The following TRIM60 variants were observed in gnomAD, a reference collection of about 807,000 sequenced individuals.
TRIM60 encodes the protein tripartite motif-containing protein 60.
For synonymous variants in TRIM60, 189 were observed against 195.2 expected, an observed-to-expected ratio of 0.97 and a Z score of 0.27; for missense variants, 524 against 540.8, an observed-to-expected ratio of 0.97 and a Z score of 0.31.
chr4:165,041,498 A>G lies in TRIM60; in HGVS notation c.*10A>G, dbSNP rs1733767143. The stretch of plus-strand genomic sequence containing the variant: ...AGATTCTGAAAGATAAGGAACTGGT[A>G]AATGGGTCTGTTTCAGTTTTTGTAG... On this transcript the variant is annotated 3_prime_UTR_variant, in exon 3 of 3. Coordinates refer to ENST00000512596, the MANE Select transcript of TRIM60 (RefSeq NM_152620.3). The G allele has an allele frequency of 4.6e-6, 7 of 1,505,386 alleles. No individual in the cohort carries two copies. The highest frequency in any genetic ancestry group is 6.2e-6 in the Non-Finnish European group (7 of 1,124,986). 93.3% of individuals were successfully genotyped at this position (1,505,386 alleles called of 1,614,324 possible). A position where few individuals can be genotyped will look rare whatever the true frequency, so the allele number is the denominator to read the frequency against.
intron 1 of TRIM60, among the ~76,000 whole-genome samples, chr4:165,036,673 G>C (rs1035880396): frequency 1.3e-5 from 2 of 152,036 alleles, no homozygotes; most frequent in African/African-American, 4.8e-5. Flanking sequence ...TTGAGGTCAG[G>C]AGTTCAAGAC....
intron 1 of TRIM60, among the ~76,000 whole-genome samples, chr4:165,032,589 T>C (rs1318389317): frequency 6.6e-6 from 1 of 152,108 alleles, no homozygotes; most frequent in Non-Finnish European, 1.5e-5. Context: ...ACCCCGATGA[T>C]TGAACTTTAA....
intron 1 of TRIM60, among the ~76,000 whole-genome samples, chr4:165,035,477 C>T (rs1733600966): frequency 6.6e-6 from 1 of 152,184 alleles, no homozygotes; most frequent in Non-Finnish European, 1.5e-5. Context: ...GTCCGCTCTG[C>T]GTGATGTCAC....
intron 1 of TRIM60, among the ~76,000 whole-genome samples, chr4:165,037,314 A>G (rs73005732): frequency 0.053 from 7,953 of 150,254 alleles, 575 homozygotes; most frequent in African/African-American, 0.17. Flanking sequence ...TCAAATCATT[A>G]TACTTTTTTT....
chr4:165,032,373 TGA>T (rs1733522900), intron 1 of TRIM60, among the ~76,000 whole-genome samples: 1 of 152,198 alleles, frequency 6.6e-6, no homozygotes, highest in South Asian at 2.1e-4. Context: ...CTCAGCCTCC[TGA>T]GTAGCTGGGA....
chr4:165,040,300 A>T lies in TRIM60; in HGVS notation c.228A>T (p.Glu76Asp). The part of the protein sequence containing the change: ...RRNPQLRNLT[E>D]IAKQLQIRRS... ...ACCCCCAGCTCCGTAATTTGACTGAAATTGCTAAACAACTCCAGATTAGGA... is the reference window on the plus strand; with the variant it reads ...ACCCCCAGCTCCGTAATTTGACTGATATTGCTAAACAACTCCAGATTAGGA... The change falls in exon 3 of 3, where the codon GAA (glutamate) becomes GAT (aspartate). Residue 76 changes from glutamate (E) to aspartate (D), a missense_variant. Glu to Asp is a conservative substitution (Grantham distance 45). Coordinates refer to ENST00000512596, the MANE Select transcript of TRIM60 (RefSeq NM_152620.3). 6.2e-7 allele frequency: 1 copy of T among 1,614,188 alleles called. No individual in the cohort carries two copies. Among genetic ancestry groups the T allele is most frequent in the Non-Finnish European group, 8.5e-7 (1 of 1,180,030 alleles).
rs766489991 is a variant in TRIM60 at position 165,041,526 on chromosome 4, A to G, written c.*38A>G. The G allele has an allele frequency of 3.6e-6, 5 of 1,373,280 alleles. No individual in the cohort carries two copies. The Admixed American group carries it at 1.2e-4, about 33-fold the overall frequency. The allele number at this position is 1,373,280 out of a possible 1,614,324, so 85.1% of individuals were successfully genotyped here. A position where few individuals can be genotyped will look rare whatever the true frequency, so the allele number is the denominator to read the frequency against. On this transcript the variant is annotated 3_prime_UTR_variant, in exon 3 of 3. Coordinates refer to ENST00000512596, the MANE Select transcript of TRIM60 (RefSeq NM_152620.3). The stretch of plus-strand genomic sequence containing the variant: ...TGGGTCTGTTTCAGTTTTTGTAGGT[A>G]ACTTAGCCAGTAAATTTAATCTCAT...
intron 1 of TRIM60, among the ~76,000 whole-genome samples, chr4:165,038,066 A>AG (rs1329562595): frequency 6.6e-6 from 1 of 152,138 alleles, no homozygotes; most frequent in Non-Finnish European, 1.5e-5. Flanking sequence ...GAGAGACTAG[A>AG]GGGTGGGGTG....
chr4:165,037,808 C>A (rs1237112505), intron 1 of TRIM60, among the ~76,000 whole-genome samples: 2 of 152,100 alleles, frequency 1.3e-5, no homozygotes, highest in Non-Finnish European at 2.9e-5. Flanking sequence ...TAAATTTTAT[C>A]TTTTGTAACA....
intron 1 of TRIM60, among the ~76,000 whole-genome samples, chr4:165,036,898 AAAAAAG>A (rs202075945): frequency 0.039 from 5,794 of 149,316 alleles, 377 homozygotes; most frequent in African/African-American, 0.13. Flanking sequence ...AAAAAAAAAG[AAAAAAG>A]AAAAAAAAAG....
chr4:165,036,278 A>G (rs1013933603), intron 1 of TRIM60, among the ~76,000 whole-genome samples: 8 of 152,170 alleles, frequency 5.3e-5, no homozygotes, highest in African/African-American at 1.7e-4. Context: ...AATAGAAACA[A>G]ACTCAGAGAA....
At position 165,040,530 on chromosome 4, in the gene TRIM60, A is replaced by G. The variant is rs866802358; in HGVS notation, c.458A>G (p.Asn153Ser). 6.2e-7 allele frequency: 1 copy of G among 1,614,070 alleles called. No homozygotes were observed. Among genetic ancestry groups the G allele is most frequent in the Non-Finnish European group, 8.5e-7 (1 of 1,180,000 alleles). Residue 153 changes from asparagine (N) to serine (S), a missense_variant, in exon 3 of 3, where the codon AAT becomes AGT. Physicochemically the swap from Asn to Ser is conservative, Grantham distance 46 (BLOSUM62 1). Coordinates refer to ENST00000512596, the MANE Select transcript of TRIM60 (RefSeq NM_152620.3). Reference sequence around the variant, plus strand: ...GAAGGTAGCCTTGAGCCCTTGAGGAATAATATAGAACGAGTTGAAAAAGTG... The same window carrying G: ...GAAGGTAGCCTTGAGCCCTTGAGGAGTAATATAGAACGAGTTGAAAAAGTG... ...ILEGSLEPLR[N>S]NIERVEKVII... is the part of the protein sequence containing the mutation.
intron 1 of TRIM60, among the ~76,000 whole-genome samples, chr4:165,038,918 C>T (rs1353069772): frequency 1.3e-5 from 2 of 149,694 alleles, no homozygotes; most frequent in African/African-American, 2.4e-5. Context: ...TGAAAATTAG[C>T]CAGGCGTGGT....
chr4:165,041,505 T>A lies in TRIM60; in HGVS notation c.*17T>A. On this transcript the variant is annotated 3_prime_UTR_variant, in exon 3 of 3. Transcript: ENST00000512596. ...GAAAGATAAGGAACTGGTAAATGGG[T>A]CTGTTTCAGTTTTTGTAGGTAACTT... is the stretch of plus-strand genomic sequence containing the variant. The A allele has an allele frequency of 6.7e-7, 1 of 1,483,324 alleles. No homozygotes were observed. The highest frequency in any genetic ancestry group is 9.0e-7 in the Non-Finnish European group (1 of 1,109,314). The allele number at this position is 1,483,324 out of a possible 1,614,324, so 91.9% of individuals were successfully genotyped here.
At chr4:165,032,800 C>T (rs1032411943) in intron 1 of TRIM60, among the ~76,000 whole-genome samples, 4 of 152,164 alleles carry the variant, frequency 2.6e-5, no homozygotes, top group Non-Finnish European at 5.9e-5. Flanking sequence ...CGTTTCGTAT[C>T]ATCTAAAGTA....
chr4:165,037,621 G>A (rs1733654259), intron 1 of TRIM60, among the ~76,000 whole-genome samples: 1 of 151,908 alleles, frequency 6.6e-6, no homozygotes, highest in East Asian at 1.9e-4. Flanking sequence ...CCACCTCCTG[G>A]GCTCAAGCAA....
chr4:165,038,120 G>A (rs1467996554), intron 1 of TRIM60, among the ~76,000 whole-genome samples: 1 of 152,138 alleles, frequency 6.6e-6, no homozygotes, highest in African/African-American at 2.4e-5. Context: ...TTTGTGAGGT[G>A]ACCCGAAGGA....
intron 1 of TRIM60, among the ~76,000 whole-genome samples, chr4:165,032,440 G>A (rs1733524635): frequency 6.6e-6 from 1 of 152,180 alleles, no homozygotes; most frequent in African/African-American, 2.4e-5. Context: ...GTAGAGACGA[G>A]GTTTCTCCAT....
chr4:165,039,142 TTATA>T (rs1448216547), intron 1 of TRIM60, 55 bp from the exon 2 acceptor site: 1 of 151,752 alleles, frequency 6.6e-6, no homozygotes, highest in Non-Finnish European at 1.5e-5. Context: ...TTTATTTATT[TTATA>T]TATATATTCT....
Sources: gnomAD v4.1 joint callset for allele counts (sites outside exome capture counted in the v4.1 genomes callset) on GRCh38, gnomAD v4.1.1 for gene constraint, MANE v1.5 for transcripts, NCBI Gene and HGNC (gene_info 2026-07-23, HGNC 2026-07-21) for gene names.